SNX25: variants seen among roughly 807,000 people sequenced by gnomAD.
SNX25 encodes sorting nexin-25.
Under a neutral mutation model 113.7 loss-of-function variants are expected in SNX25, and 62 were observed. That is an observed-to-expected ratio of 0.55 (90% confidence interval 0.44 to 0.67). The LOEUF (loss-of-function observed/expected upper bound fraction) is 0.67. SNX25 is among the 30% of genes least tolerant of loss of function. SNX25 has a pLI of 0.00. For synonymous variants in SNX25, 421 were observed against 436.2 expected (o/e 0.97, Z 0.43); for missense variants, 1,014 against 1,161.0 (o/e 0.87, Z 1.84).
In SNX25 at chr4:185,258,845, T is replaced by C; in HGVS notation, c.515-3T>C. 2 of 1,607,570 alleles carry C rather than the reference T, an allele frequency of 1.2e-6. No homozygotes were observed. Among genetic ancestry groups the C allele is most frequent in the South Asian group, 1.1e-5 (1 of 90,948 alleles). Reference sequence around the variant, plus strand: ...TACTCATTGCTTTGTTTATTCCTGGTAGTGTTCGACTACAGTTATAGAGAT... The same window carrying C: ...TACTCATTGCTTTGTTTATTCCTGGCAGTGTTCGACTACAGTTATAGAGAT... On this transcript the variant is annotated splice_polypyrimidine_tract_variant and splice_region_variant and intron_variant, in intron 2 of 18. Transcript: ENST00000652585.
intron 2 of SNX25, among the ~76,000 whole-genome samples, chr4:185,248,218 T>C (rs1031075364): frequency 6.6e-6 from 1 of 152,230 alleles, no homozygotes; most frequent in East Asian, 1.9e-4. Flanking sequence ...TTTTAAAAAA[T>C]ACTTCTATTA....
At chr4:185,261,997 G>C (rs988230506) in intron 3 of SNX25, among the ~76,000 whole-genome samples, 11 of 152,172 alleles carry the variant, frequency 7.2e-5, no homozygotes, top group Non-Finnish European at 1.6e-4. Context: ...AGTGAGTCCA[G>C]GTTTAATGGC....
chr4:185,235,779 G>C (rs1742526842), intron 1 of SNX25, among the ~76,000 whole-genome samples: 1 of 152,196 alleles, frequency 6.6e-6, no homozygotes, highest in African/African-American at 2.4e-5. Context: ...CACACCCGTA[G>C]TCACAGCTGT....
intron 1 of SNX25, among the ~76,000 whole-genome samples, chr4:185,239,297 C>T (rs146897458): frequency 0.022 from 3,389 of 151,884 alleles, 116 homozygotes; most frequent in African/African-American, 0.078. Flanking sequence ...TCCTGGCCAA[C>T]ACGGTGAAAC....
chr4:185,241,836 C>T (rs774416645), intron 1 of SNX25, among the ~76,000 whole-genome samples: 3 of 152,054 alleles, frequency 2.0e-5, no homozygotes, highest in Non-Finnish European at 4.4e-5. Flanking sequence ...GTTGTCTTTA[C>T]CTGAAGCCTA....
intron 1 of SNX25, among the ~76,000 whole-genome samples, chr4:185,228,231 G>A (rs981086470): frequency 1.3e-5 from 2 of 152,146 alleles, no homozygotes; most frequent in African/African-American, 4.8e-5. Context: ...GTTGTTGTCA[G>A]GGAGAGATAT....
intron 6 of SNX25, among the ~76,000 whole-genome samples, chr4:185,288,952 G>C (rs1343622704): frequency 6.6e-6 from 1 of 152,204 alleles, no homozygotes; most frequent in Non-Finnish European, 1.5e-5. Flanking sequence ...GAACGGGGAA[G>C]AGTTGGGCCA....
At chr4:185,279,227 C>T (rs1449846469) in intron 5 of SNX25, among the ~76,000 whole-genome samples, 1 of 152,024 alleles carries the variant, frequency 6.6e-6, no homozygotes, top group Non-Finnish European at 1.5e-5. Context: ...GGACACCTCA[C>T]CCTGGGCTGC....
chr4:185,364,918 A>T (rs1265386948), downstream of SNX25: 1 of 152,222 alleles, frequency 6.6e-6, no homozygotes, highest in Non-Finnish European at 1.5e-5. Flanking sequence ...AATGAGAAAG[A>T]TCACTATTAT....
intron 15 of SNX25, among the ~76,000 whole-genome samples, chr4:185,357,240 TC>T (rs2095343228): frequency 6.6e-6 from 1 of 152,200 alleles, no homozygotes; most frequent in Non-Finnish European, 1.5e-5. Flanking sequence ...GTTAGACCCA[TC>T]CGTTCATTAA....
chr4:185,231,110 T>G (rs1741776013), intron 1 of SNX25, among the ~76,000 whole-genome samples: 1 of 151,504 alleles, frequency 6.6e-6, no homozygotes, highest in African/African-American at 2.4e-5. Context: ...TTGTTTTTTT[T>G]TTTTTTGAGA....
Position 185,264,691 on chromosome 4 carries a change from C to A in SNX25, c.904+81C>A, listed in dbSNP as rs1747804656. The A allele has an allele frequency of 3.6e-6, 5 of 1,394,094 alleles. No individual in the cohort carries two copies. The Admixed American group carries it at 7.7e-5, about 22-fold the overall frequency. The allele number at this position is 1,394,094 out of a possible 1,614,324, so 86.4% of individuals were successfully genotyped here. On this transcript the variant is annotated intron_variant, in intron 4 of 18. Coordinates refer to ENST00000652585, the MANE Select transcript of SNX25 (RefSeq NM_001378034.2). ...CATGCAGACCTTGTTTACTGTTGAA[C>A]ATATGGGATTTGAAGTATTTTCAAA...
At chr4:185,375,702 G>A in the SNX25 span, 1 of 1,609,574 alleles carries the variant, frequency 6.2e-7, no homozygotes, top group Non-Finnish European at 8.5e-7. Context: ...TCTTCAAACT[G>A]TTCTAATGCT....
At chr4:185,309,051 A>C (rs1754886357) in intron 6 of SNX25, among the ~76,000 whole-genome samples, 1 of 152,202 alleles carries the variant, frequency 6.6e-6, no homozygotes, top group African/African-American at 2.4e-5. Context: ...GTGTCACGTG[A>C]CGTCAGCTGG....
intron 5 of SNX25, among the ~76,000 whole-genome samples, chr4:185,283,480 C>T (rs1227576379): frequency 1.3e-5 from 2 of 151,934 alleles, no homozygotes; most frequent in African/African-American, 4.8e-5. Flanking sequence ...CATGGTATCA[C>T]GTATGGTCTG....
At chr4:185,277,338 A>G (rs1481201742) in intron 5 of SNX25, among the ~76,000 whole-genome samples, 1 of 152,188 alleles carries the variant, frequency 6.6e-6, no homozygotes, top group Admixed American at 6.5e-5. Flanking sequence ...TCTCCTTTAA[A>G]AAAGAAAAAA....
At chr4:185,278,343 A>G (rs1750053217) in intron 5 of SNX25, among the ~76,000 whole-genome samples, 2 of 152,240 alleles carry the variant, frequency 1.3e-5, no homozygotes, top group African/African-American at 2.4e-5. Flanking sequence ...ACAGACCTGG[A>G]CTTAACAGAC....
At chr4:185,224,225 G>A (rs1195892484) in intron 1 of SNX25, among the ~76,000 whole-genome samples, 1 of 151,744 alleles carries the variant, frequency 6.6e-6, no homozygotes, top group Admixed American at 6.6e-5. Context: ...GGTGGCGTAT[G>A]CCTGTAATCC....
chr4:185,359,698 G>A (rs954089571), intron 16 of SNX25, among the ~76,000 whole-genome samples: 1 of 152,132 alleles, frequency 6.6e-6, no homozygotes, highest in Non-Finnish European at 1.5e-5. Context: ...TTCCCAAAAT[G>A]GCCTTCTTTT....
Sources: gnomAD v4.1 joint callset for allele counts (sites outside exome capture counted in the v4.1 genomes callset) on GRCh38, gnomAD v4.1.1 for gene constraint, MANE v1.5 for transcripts, NCBI Gene and HGNC (gene_info 2026-07-23, HGNC 2026-07-21) for gene names.